The following BPNT2 variants were observed in gnomAD, a reference collection of about 807,000 sequenced individuals.
BPNT2 encodes the protein 3'(2'), 5'-bisphosphate nucleotidase 2.
In BPNT2, 11 loss-of-function variants were observed where a neutral mutation model predicts 29.3. The ratio of observed to expected loss-of-function variants is 0.38; its 90% CI spans 0.24 to 0.62. The LOEUF is 0.62. Ranked by LOEUF, BPNT2 falls within the 20% of genes least tolerant of loss-of-function variation. BPNT2 has a pLI of 0.62. For synonymous variants in BPNT2, 195 were observed against 187.7 expected (o/e 1.04, Z -0.32); for missense variants, 459 against 473.4 (o/e 0.97, Z 0.28).
chr8:56,973,122 T>C (rs911077598), intron 3 of BPNT2, among the ~76,000 whole-genome samples: 4 of 152,236 alleles, frequency 2.6e-5, no homozygotes, highest in African/African-American at 9.6e-5. Context: ...AGTCCACTGA[T>C]GCTTTGACCC....
chr8:56,983,866 T>A (rs1401017572), intron 1 of BPNT2, among the ~76,000 whole-genome samples: 4 of 151,732 alleles, frequency 2.6e-5, no homozygotes, highest in Non-Finnish European at 5.9e-5. Context: ...GGAAAAAAAA[T>A]ACCATCATGG....
intron 3 of BPNT2, among the ~76,000 whole-genome samples, chr8:56,977,672 C>T (rs987046699): frequency 1.3e-5 from 2 of 152,026 alleles, no homozygotes; most frequent in African/African-American, 4.8e-5. Context: ...GGCGCTGAAT[C>T]CAATATGACT....
Position 56,962,983 on chromosome 8 carries a change from C to T in BPNT2, c.*810G>A, listed in dbSNP as rs1805862977. ...AAAACTATAGTGCTAACCCTGAAAC[C>T]TTAAACCGAACCTTACAAAGTTAAA... On this transcript the variant is annotated 3_prime_UTR_variant, in exon 5 of 5. Coordinates refer to ENST00000262644, the MANE Select transcript of BPNT2 (RefSeq NM_017813.5). 1 of 152,166 alleles carries T rather than the reference C, an allele frequency of 6.6e-6. No individual in the cohort carries two copies. The highest frequency in any genetic ancestry group is 2.1e-4 in the South Asian group (1 of 4,834). The allele number at this position is 152,166 out of a possible 1,614,324, so 9.4% of individuals were successfully genotyped here.
rs548702882 is a variant in BPNT2 at position 56,974,728 on chromosome 8, A to G, written c.646+3322T>C. 2.6e-5 allele frequency among the ~76,000 whole-genome samples: 4 copies of G among 152,354 alleles called. No homozygotes were observed. The East Asian group carries it at 7.7e-4, about 29-fold the overall frequency. On this transcript the variant is annotated intron_variant, in intron 3 of 4. Coordinates refer to ENST00000262644, the MANE Select transcript of BPNT2 (RefSeq NM_017813.5). ...CCGCATTACAGAAGAATGGGGTATT[A>G]TATTACTAACTTAAAAAGACATTTT...
rs1805870137 is a variant in BPNT2, at chr8:56,963,221, A to C, written c.*572T>G. On this transcript the variant is annotated 3_prime_UTR_variant, in exon 5 of 5. Coordinates refer to ENST00000262644, the MANE Select transcript of BPNT2 (RefSeq NM_017813.5). The stretch of plus-strand genomic sequence containing the variant: ...ACCAGCTGGTGAACCTGTTATTAAA[A>C]TTTAAAAGAAAAAATCAATTAAACT... 1 of 152,846 alleles carries C rather than the reference A, an allele frequency of 6.5e-6. No individual in the cohort carries two copies. Among genetic ancestry groups the C allele is most frequent in the Non-Finnish European group, 1.5e-5 (1 of 68,268 alleles). 9.5% of individuals were successfully genotyped at this position (152,846 alleles called of 1,614,324 possible).
At chr8:56,972,116 G>A (rs140628459) in intron 3 of BPNT2, among the ~76,000 whole-genome samples, 21 of 151,740 alleles carry the variant, frequency 1.4e-4, no homozygotes, top group Non-Finnish European at 2.4e-4. Context: ...GAAACCCTAC[G>A]TGATGTAATC....
chr8:56,981,542 C>T (rs766028659), intron 1 of BPNT2, among the ~76,000 whole-genome samples: 7 of 151,606 alleles, frequency 4.6e-5, no homozygotes, highest in Admixed American at 2.6e-4. Flanking sequence ...TCCAGCCTGG[C>T]GACAGAGCAA....
In BPNT2 at chr8:56,959,749, T is replaced by C. The variant is rs1333466763; in HGVS notation, c.*4044A>G. On this transcript the variant is annotated 3_prime_UTR_variant, in exon 5 of 5. Transcript: ENST00000262644. ...TACTTTAGTTGTAAATGCTAGGTTA[T>C]GCAAAAATAATTTTATTTCAATTTA... is the stretch of plus-strand genomic sequence containing the variant. 2.0e-5 allele frequency: 3 copies of C among 152,192 alleles called. No homozygotes were observed. The highest frequency in any genetic ancestry group is 7.2e-5 in the African/African-American group (3 of 41,458). The allele number at this position is 152,192 out of a possible 1,614,324, so 9.4% of individuals were successfully genotyped here. A position where few individuals can be genotyped will look rare whatever the true frequency, so the allele number is the denominator to read the frequency against.
intron 1 of BPNT2, among the ~76,000 whole-genome samples, chr8:56,985,933 G>A (rs1806320670): frequency 6.6e-6 from 1 of 152,190 alleles, no homozygotes; most frequent in Admixed American, 6.5e-5. Flanking sequence ...GCAATAAAAA[G>A]AAAGCTCCTG....
intron 1 of BPNT2, among the ~76,000 whole-genome samples, chr8:56,981,017 G>A (rs1010297881): frequency 4.6e-5 from 7 of 151,688 alleles, no homozygotes; most frequent in Middle Eastern, 3.2e-3. Flanking sequence ...AATTTGGCAC[G>A]ACTGACAATT....
chr8:56,965,860 T>C (rs1222389432), intron 4 of BPNT2, among the ~76,000 whole-genome samples: 2 of 152,188 alleles, frequency 1.3e-5, no homozygotes, highest in Non-Finnish European at 2.9e-5. Context: ...TTGATCTTTC[T>C]TCCTCTCCTT....
chr8:56,973,571 G>T (rs1441329670), intron 3 of BPNT2, among the ~76,000 whole-genome samples: 1 of 152,118 alleles, frequency 6.6e-6, no homozygotes, highest in Admixed American at 6.5e-5. Context: ...TTTTTAAAAG[G>T]TGGGGCGTAG....
In BPNT2 at chr8:56,963,556, T is replaced by C. The variant is rs1363979323; in HGVS notation, c.*237A>G. The C allele has an allele frequency of 5.7e-6, 3 of 528,436 alleles. No individual in the cohort carries two copies. The African/African-American group carries it at 5.7e-5, about 10-fold the overall frequency. The allele number at this position is 528,436 out of a possible 1,614,324, so 32.7% of individuals were successfully genotyped here. On this transcript the variant is annotated 3_prime_UTR_variant, in exon 5 of 5. Coordinates refer to ENST00000262644, the MANE Select transcript of BPNT2 (RefSeq NM_017813.5). ...CAAATATATATATGCGCCTTGTGTATGACAACTGTATGAAAATAGTCTCAA... is the reference window on the plus strand; with the variant it reads ...CAAATATATATATGCGCCTTGTGTACGACAACTGTATGAAAATAGTCTCAA...
intron 2 of BPNT2, among the ~76,000 whole-genome samples, chr8:56,979,762 C>G (rs1259587651): frequency 6.6e-6 from 1 of 152,178 alleles, no homozygotes; most frequent in Non-Finnish European, 1.5e-5. Flanking sequence ...TACTTGCCTT[C>G]TGGGTACCTA....
chr8:56,968,466 C>G (rs1222524569), intron 3 of BPNT2, among the ~76,000 whole-genome samples: 1 of 151,000 alleles, frequency 6.6e-6, no homozygotes, highest in African/African-American at 2.4e-5. Flanking sequence ...TGGGATAGAG[C>G]TAATCTTTAA....
intron 1 of BPNT2, among the ~76,000 whole-genome samples, chr8:56,991,818 AAC>A (rs1454867158): frequency 3.9e-5 from 6 of 152,224 alleles, no homozygotes; most frequent in Admixed American, 3.9e-4. Flanking sequence ...TGGGGAAGGA[AAC>A]ACGTATGTTT....
intron 1 of BPNT2, among the ~76,000 whole-genome samples, chr8:56,991,825 A>G (rs998698101): frequency 6.6e-6 from 1 of 152,206 alleles, no homozygotes; most frequent in Non-Finnish European, 1.5e-5. Context: ...GGAAACACGT[A>G]TGTTTTGGAA....
At chr8:56,969,301 T>C (rs1188889930) in intron 3 of BPNT2, among the ~76,000 whole-genome samples, 1 of 152,210 alleles carries the variant, frequency 6.6e-6, no homozygotes, top group Non-Finnish European at 1.5e-5. Flanking sequence ...ATAGACAAAG[T>C]TGTTAGCATG....
intron 3 of BPNT2, among the ~76,000 whole-genome samples, chr8:56,971,379 C>T (rs1020242786): frequency 1.3e-5 from 2 of 151,664 alleles, no homozygotes; most frequent in Admixed American, 6.6e-5. Context: ...AAATTTCCAC[C>T]GAGTGAATAT....
Sources: gnomAD v4.1 joint callset for allele counts (sites outside exome capture counted in the v4.1 genomes callset) on GRCh38, gnomAD v4.1.1 for gene constraint, MANE v1.5 for transcripts, NCBI Gene and HGNC (gene_info 2026-07-23, HGNC 2026-07-21) for gene names.